Variants in SHC4 observed in about 807,000 individuals in gnomAD.
SHC4 encodes the protein SHC-transforming protein 4.
Under a neutral mutation model 69.4 loss-of-function variants are expected in SHC4, and 41 were observed. The ratio of observed to expected loss-of-function variants is 0.59; its 90% CI spans 0.46 to 0.77. The LOEUF is 0.77. Among genes scored for constraint, SHC4 ranks in the 30% least tolerant of loss-of-function variants. The probability of loss-of-function intolerance (pLI) is 0.00; values close to 1 mark genes in which losing one functional copy is unlikely to be tolerated. For missense variants in SHC4, 777 were observed against 783.8 expected (o/e 0.99, Z 0.10); for synonymous variants, 318 against 299.3 (o/e 1.06, Z -0.64).
At chr15:48,955,962 T>TCA (rs1415931630) in intron 1 of SHC4, among the ~76,000 whole-genome samples, 9 of 152,164 alleles carry the variant, frequency 5.9e-5, no homozygotes, top group Non-Finnish European at 1.0e-4. Context: ...GTGTGTGGAC[T>TCA]CACTGATCTC....
At chr15:48,930,199 G>C (rs972903776) in intron 1 of SHC4, among the ~76,000 whole-genome samples, 1 of 152,182 alleles carries the variant, frequency 6.6e-6, no homozygotes, top group Non-Finnish European at 1.5e-5. Context: ...TGGGAGAGAG[G>C]CAGGTTTTTA....
intron 4 of SHC4, among the ~76,000 whole-genome samples, chr15:48,873,483 G>A (rs932695741): frequency 1.3e-5 from 2 of 152,328 alleles, no homozygotes; most frequent in South Asian, 2.1e-4. Flanking sequence ...AGTGGCTCAC[G>A]CCTGTAATCC....
intron 1 of SHC4, among the ~76,000 whole-genome samples, chr15:48,950,495 T>C (rs1901349475): frequency 6.6e-6 from 1 of 152,130 alleles, no homozygotes; most frequent in African/African-American, 2.4e-5. Flanking sequence ...TAGTTTCAAA[T>C]GAAAGCTATA....
intron 11 of SHC4, among the ~76,000 whole-genome samples, chr15:48,829,835 C>T (rs530098059): frequency 1.3e-5 from 2 of 152,338 alleles, no homozygotes; most frequent in East Asian, 3.9e-4. Context: ...AGAAGAATCA[C>T]TTGAACCCAG....
At chr15:48,865,765 C>G (rs1899547658) in intron 6 of SHC4, among the ~76,000 whole-genome samples, 1 of 152,142 alleles carries the variant, frequency 6.6e-6, no homozygotes, top group South Asian at 2.1e-4. Flanking sequence ...CTCAACAGTT[C>G]ACATGAATGC....
intron 2 of SHC4, among the ~76,000 whole-genome samples, chr15:48,923,846 G>A (rs955444568): frequency 1.3e-5 from 2 of 151,836 alleles, no homozygotes; most frequent in African/African-American, 2.4e-5. Flanking sequence ...TCACTATGTT[G>A]CCCTGGCTGG....
At chr15:48,926,275 C>A (rs1488290911) in intron 1 of SHC4, among the ~76,000 whole-genome samples, 2 of 152,116 alleles carry the variant, frequency 1.3e-5, no homozygotes, top group African/African-American at 2.4e-5. Flanking sequence ...AGAAATGTTA[C>A]TAGAGCTAAG....
chr15:48,884,356 C>T lies in SHC4; in HGVS notation c.732G>A (p.Lys244=), dbSNP rs775823055. 3.1e-6 allele frequency: 5 copies of T among 1,598,076 alleles called. No homozygotes were observed. The highest frequency in any genetic ancestry group is 4.3e-6 in the Non-Finnish European group (5 of 1,175,058). ...GAIKKRKPPV[K]FLSTVLGKSN... ...TTTTGCCAAGGACTGTTGATAGGAA[C>T]TTAACTGGAGGCTTTAAAAATTAAA... Residue 244 remains lysine (K), a synonymous_variant, in exon 4 of 12, where the codon AAG becomes AAA. Coordinates refer to ENST00000332408, the MANE Select transcript of SHC4 (RefSeq NM_203349.4).
At chr15:48,854,188 A>C (rs919677469) in intron 8 of SHC4, among the ~76,000 whole-genome samples, 1 of 152,264 alleles carries the variant, frequency 6.6e-6, no homozygotes, top group African/African-American at 2.4e-5. Context: ...AAAAGAACAC[A>C]TACAAGCAGC....
chr15:48,963,159 T>C lies in SHC4; in HGVS notation c.-144A>G. On this transcript the variant is annotated 5_prime_UTR_variant, in exon 1 of 12. Transcript: ENST00000332408. ...AACTCTGCTCTCGAGCTCGCCCACC[T>C]CGGCTCCCGGCCCCTTAAGGGTGAC... 1.2e-6 allele frequency: 1 copy of C among 834,268 alleles called. No individual in the cohort carries two copies. The highest frequency in any genetic ancestry group is 1.8e-6 in the Non-Finnish European group (1 of 549,398). 51.7% of individuals were successfully genotyped at this position (834,268 alleles called of 1,614,324 possible). A position where few individuals can be genotyped will look rare whatever the true frequency, so the allele number is the denominator to read the frequency against.
chr15:48,843,431 C>CA lies in SHC4; in HGVS notation c.1460dup (p.Ser489GlufsTer30). 1.2e-6 allele frequency: 2 copies of CA among 1,613,312 alleles called. No homozygotes were observed. Among genetic ancestry groups the CA allele is most frequent in the Non-Finnish European group, 1.7e-6 (2 of 1,179,466 alleles). ...TACTTCCGCAGTGCCATGGGCTCCC[C>CA]AGTGGTTGGGCTGACCTTTGATTTC... On this transcript the variant is annotated frameshift_variant, in exon 10 of 12. Coordinates refer to ENST00000332408, the MANE Select transcript of SHC4 (RefSeq NM_203349.4). LOFTEE classifies it high-confidence loss of function.
intron 2 of SHC4, among the ~76,000 whole-genome samples, chr15:48,893,186 T>C (rs1291284768): frequency 6.6e-6 from 1 of 152,130 alleles, no homozygotes; most frequent in Non-Finnish European, 1.5e-5. Context: ...AGGATGAACC[T>C]TCCTGGCAGG....
intron 2 of SHC4, among the ~76,000 whole-genome samples, chr15:48,912,094 G>T (rs530428229): frequency 1.3e-5 from 2 of 152,242 alleles, no homozygotes; most frequent in South Asian, 4.1e-4. Context: ...TAATTTCCCA[G>T]GTGTTCTTTG....
At chr15:48,901,155 C>T (rs1900312457) in intron 2 of SHC4, among the ~76,000 whole-genome samples, 1 of 152,096 alleles carries the variant, frequency 6.6e-6, no homozygotes, top group Admixed American at 6.5e-5. Context: ...TTGTCAAAAC[C>T]ATTCTTGGCT....
In SHC4 at chr15:48,851,022, T is replaced by C. The variant is rs1899203020; in HGVS notation, c.1303+166A>G. Among the ~76,000 whole-genome samples, 3 of 152,150 alleles carry C rather than the reference T, an allele frequency of 2.0e-5. No homozygotes were observed. The South Asian group carries it at 6.2e-4, about 31-fold the overall frequency. ...AACCATGAGCCTTCCTAGTGACACATATGCAACATTCTGGGCCTATCTGAG... is the reference window on the plus strand; with the variant it reads ...AACCATGAGCCTTCCTAGTGACACACATGCAACATTCTGGGCCTATCTGAG... On this transcript the variant is annotated intron_variant, in intron 9 of 11. Coordinates refer to ENST00000332408, the MANE Select transcript of SHC4 (RefSeq NM_203349.4).
At chr15:48,871,866 A>T (rs1041890445) in intron 5 of SHC4, 4 of 431,290 alleles carry the variant, frequency 9.3e-6, no homozygotes, top group African/African-American at 4.2e-5. Context: ...TCATCTACTA[A>T]TCCAAGTATT....
At chr15:48,950,560 A>G (rs1184009484) in intron 1 of SHC4, among the ~76,000 whole-genome samples, 1 of 152,184 alleles carries the variant, frequency 6.6e-6, no homozygotes, top group African/African-American at 2.4e-5. Flanking sequence ...TGAGAAGATG[A>G]TCTAATAAGT....
chr15:48,848,637 T>G (rs981357077), intron 9 of SHC4, among the ~76,000 whole-genome samples: 1 of 152,218 alleles, frequency 6.6e-6, no homozygotes, highest in Non-Finnish European at 1.5e-5. Flanking sequence ...AATCTTCTTA[T>G]AGTGGCTTAG....
chr15:48,905,153 G>T (rs1425154662), intron 2 of SHC4, among the ~76,000 whole-genome samples: 1 of 152,092 alleles, frequency 6.6e-6, no homozygotes, highest in Non-Finnish European at 1.5e-5. Context: ...AGACCTCCAG[G>T]ATCATCTCAA....
Sources: allele counts gnomAD v4.1 joint callset (sites outside exome capture counted in the v4.1 genomes callset), GRCh38; gene constraint gnomAD v4.1.1; transcripts MANE v1.5; gene names NCBI Gene and HGNC (gene_info 2026-07-23, HGNC 2026-07-21).